Variants in MCTP2 observed in about 807,000 individuals in gnomAD.
The protein encoded by MCTP2 is multiple C2 and transmembrane domain-containing protein 2.
MCTP2 carries 132 observed loss-of-function variants against 111.6 expected under a neutral mutation model. The ratio of observed to expected loss-of-function variants is 1.18; its 90% CI spans 1.03 to 1.37. The LOEUF is 1.37. Ranked by LOEUF, MCTP2 falls within the 40% of genes most tolerant of loss-of-function variation. The pLI, the probability that MCTP2 is intolerant of heterozygous loss-of-function variation, is 0.00. For missense variants in MCTP2, 1,183 were observed against 1,067.9 expected, an observed-to-expected ratio of 1.11 and a Z score of -1.50; for synonymous variants, 395 against 387.7, an observed-to-expected ratio of 1.02 and a Z score of -0.22.
intron 10 of MCTP2, among the ~76,000 whole-genome samples, chr15:94,362,866 A>C (rs549761864): frequency 6.6e-6 from 1 of 152,338 alleles, no homozygotes; most frequent in Non-Finnish European, 1.5e-5. Context: ...GAAAGACAAG[A>C]ATGGGAGGTC....
At chr15:94,316,655 G>C (rs2076391561) in intron 4 of MCTP2, among the ~76,000 whole-genome samples, 1 of 152,244 alleles carries the variant, frequency 6.6e-6, no homozygotes, top group South Asian at 2.1e-4. Flanking sequence ...TTTCAGCATT[G>C]ACATTAGTTA....
At chr15:94,313,419 G>A (rs2076235759) in intron 2 of MCTP2, among the ~76,000 whole-genome samples, 1 of 152,024 alleles carries the variant, frequency 6.6e-6, no homozygotes, top group Non-Finnish European at 1.5e-5. Context: ...GGGAAACATA[G>A]GGGCCGGGCA....
intron 2 of MCTP2, among the ~76,000 whole-genome samples, chr15:94,312,786 T>C (rs552199723): frequency 2.0e-5 from 3 of 152,334 alleles, no homozygotes; most frequent in Admixed American, 6.5e-5. Context: ...TGTCACTGCA[T>C]GCAGAGGCAG....
chr15:94,402,445 G>C (rs1567634142), intron 17 of MCTP2: 7 of 1,548,870 alleles, frequency 4.5e-6, no homozygotes, highest in African/African-American at 1.4e-5. Flanking sequence ...TTTCAAGCCA[G>C]TTGGGACATA....
Position 94,356,154 on chromosome 15 carries a change from CCTACGGCT to C in MCTP2, c.1026_1033del (p.Arg343Ter). On this transcript the variant is annotated frameshift_variant, in exon 9 of 23. Transcript: ENST00000357742. LOFTEE classifies it high-confidence loss of function. ...TGCTTTAGTCCTCTTTGATACGCAA[CCTACGGCT>C]CTCTGAGTCCTTGAAAAAGAACCAA... The C allele has an allele frequency of 6.2e-7, 1 of 1,607,958 alleles. No homozygotes were observed. The highest frequency in any genetic ancestry group is 2.2e-5 in the East Asian group (1 of 44,644).
At chr15:94,401,734 T>C (rs1220938344) in intron 16 of MCTP2, among the ~76,000 whole-genome samples, 166 bp from the exon 17 acceptor site, 1 of 152,254 alleles carries the variant, frequency 6.6e-6, no homozygotes, top group East Asian at 1.9e-4. Context: ...GATGATCATA[T>C]TTTAAAAAGA....
intron 17 of MCTP2, among the ~76,000 whole-genome samples, chr15:94,414,322 T>C (rs960051462): frequency 6.6e-6 from 1 of 152,192 alleles, no homozygotes; most frequent in Admixed American, 6.6e-5. Flanking sequence ...GGCCTTCTTA[T>C]ATTCTGTTTC....
intron 1 of MCTP2, among the ~76,000 whole-genome samples, chr15:94,240,247 G>T (rs1268431166): frequency 1.3e-5 from 2 of 152,096 alleles, no homozygotes; most frequent in Non-Finnish European, 2.9e-5. Flanking sequence ...CTATTAGATA[G>T]GAATCATCTC....
chr15:94,353,107 G>C (rs1373953917), intron 8 of MCTP2, among the ~76,000 whole-genome samples: 1 of 152,110 alleles, frequency 6.6e-6, no homozygotes, highest in Non-Finnish European at 1.5e-5. Context: ...CTTTAGGAGG[G>C]GTAGAAAAAA....
chr15:94,387,840 A>G (rs141517451), intron 14 of MCTP2, among the ~76,000 whole-genome samples: 1,903 of 152,300 alleles, frequency 0.012, 35 homozygotes, highest in African/African-American at 0.044. Context: ...TCATGGAAAA[A>G]GGGGCATTTG....
chr15:94,294,476 A>T (rs1225304084), intron 1 of MCTP2, among the ~76,000 whole-genome samples: 1 of 152,172 alleles, frequency 6.6e-6, no homozygotes, highest in Non-Finnish European at 1.5e-5. Flanking sequence ...TCTTGAATAT[A>T]TTATAATGTA....
chr15:94,377,617 T>C (rs1018963920), intron 12 of MCTP2, among the ~76,000 whole-genome samples: 22 of 152,344 alleles, frequency 1.4e-4, no homozygotes, highest in African/African-American at 3.8e-4. Flanking sequence ...TTAGCAAATA[T>C]ACCTTTTCTA....
rs1346853941 is a variant in MCTP2, at chr15:94,298,477, C to G, written c.212C>G (p.Pro71Arg). 2 of 1,613,948 alleles carry G rather than the reference C, an allele frequency of 1.2e-6. No individual in the cohort carries two copies. Among genetic ancestry groups the G allele is most frequent in the East Asian group, 4.5e-5 (2 of 44,886 alleles). ...CCAGAGGGCCGGCCTTACTCCGGGCCACAGTCTTCCTACACCTCGGTGCCC... is the reference window on the plus strand; with the variant it reads ...CCAGAGGGCCGGCCTTACTCCGGGCGACAGTCTTCCTACACCTCGGTGCCC... Reference protein sequence around the residue: ...LAPEGRPYSGPQSSYTSVPSS... With the variant: ...LAPEGRPYSGRQSSYTSVPSS... The change falls in exon 2 of 23, where the codon CCA (proline) becomes CGA (arginine). Residue 71 changes from proline to arginine, a missense_variant. Physicochemically the swap from Pro to Arg is moderately radical, Grantham distance 103. Coordinates refer to ENST00000357742, the MANE Select transcript of MCTP2 (RefSeq NM_001385001.1).
At chr15:94,267,490 G>C (rs2073609223) in intron 1 of MCTP2, among the ~76,000 whole-genome samples, 1 of 152,076 alleles carries the variant, frequency 6.6e-6, no homozygotes, top group Admixed American at 6.6e-5. Flanking sequence ...ATTTTTTAAA[G>C]TTTTTGACAA....
chr15:94,239,726 G>A (rs1398575321), intron 1 of MCTP2, among the ~76,000 whole-genome samples: 1 of 152,198 alleles, frequency 6.6e-6, no homozygotes, highest in Non-Finnish European at 1.5e-5. Context: ...ACAGAGACAT[G>A]TAGCTTTGGC....
intron 21 of MCTP2, among the ~76,000 whole-genome samples, chr15:94,475,334 G>T (rs1015740147): frequency 2.0e-5 from 3 of 152,132 alleles, no homozygotes; most frequent in Non-Finnish European, 4.4e-5. Context: ...CCATTTACTC[G>T]GGCACAATGG....
intron 17 of MCTP2, among the ~76,000 whole-genome samples, chr15:94,438,174 C>G (rs2083582249): frequency 6.6e-6 from 1 of 152,054 alleles, no homozygotes; most frequent in South Asian, 2.1e-4. Context: ...GTATAGTCGT[C>G]AAATTGCAGA....
chr15:94,447,927 G>A (rs533467653), intron 19 of MCTP2, among the ~76,000 whole-genome samples: 4 of 152,348 alleles, frequency 2.6e-5, no homozygotes, highest in African/African-American at 9.6e-5. Flanking sequence ...GGAATAAAGT[G>A]CATGGGAATT....
At position 94,481,333 on chromosome 15, in the gene MCTP2, G is replaced by T. The variant is rs1335042241; in HGVS notation, c.*2299G>T. The T allele has an allele frequency of 6.6e-6, 1 of 152,042 alleles. No individual in the cohort carries two copies. Among genetic ancestry groups the T allele is most frequent in the Non-Finnish European group, 1.5e-5 (1 of 68,062 alleles). The allele number at this position is 152,042 out of a possible 1,614,324, so 9.4% of individuals were successfully genotyped here. On this transcript the variant is annotated 3_prime_UTR_variant, in exon 23 of 23. Transcript: ENST00000357742. ...CCAGCTTCCTTATTTCCCTTACCAG[G>T]ACTGGCATTTTCTGGGCTTGGAATT...
Sources: gnomAD v4.1 joint callset for allele counts (sites outside exome capture counted in the v4.1 genomes callset) on GRCh38, gnomAD v4.1.1 for gene constraint, MANE v1.5 for transcripts, NCBI Gene and HGNC (gene_info 2026-07-23, HGNC 2026-07-21) for gene names.